Variants in NUP214 observed in about 807,000 individuals in gnomAD.
The protein encoded by NUP214 is nuclear pore complex protein Nup214.
Under a neutral mutation model 196.2 loss-of-function variants are expected in NUP214, and 79 were observed. The ratio of observed to expected loss-of-function variants is 0.40; its 90% confidence interval spans 0.34 to 0.49. The LOEUF is 0.49. Ranked by LOEUF, NUP214 falls within the 20% of genes least tolerant of loss-of-function variation. The probability of loss-of-function intolerance (pLI) is 0.58; values close to 1 mark genes in which losing one functional copy is unlikely to be tolerated. For missense variants in NUP214, 2,468 were observed against 2,539.0 expected (o/e 0.97, Z 0.60); for synonymous variants, 1,020 against 990.5 (o/e 1.03, Z -0.56).
At chr9:131,222,677 C>T in intron 31 of NUP214, 101 bp from the exon 32 acceptor site, 1 of 1,405,778 alleles carries the variant, frequency 7.1e-7, no homozygotes, top group East Asian at 2.4e-5. Context: ...GCTTGTCACT[C>T]CCATCTTTCC....
At position 131,128,448 on chromosome 9, in the gene NUP214, A is replaced by G. The variant is rs369748863; in HGVS notation, c.358A>G (p.Ile120Val). 6.2e-7 allele frequency: 1 copy of G among 1,613,124 alleles called. No individual in the cohort carries two copies. The highest frequency in any genetic ancestry group is 8.5e-7 in the Non-Finnish European group (1 of 1,179,382). Residue 120 changes from isoleucine to valine, a missense_variant, in exon 3 of 36, where the codon ATT becomes GTT. By Grantham distance (29) the Ile-to-Val change is conservative. Coordinates refer to ENST00000359428, the MANE Select transcript of NUP214 (RefSeq NM_005085.4). Reference protein sequence around the residue: ...CMMSSEYGSIIAFFDVRTFSN... With the variant: ...CMMSSEYGSIVAFFDVRTFSN... ...GATGTCCAGTGAATATGGTTCCATTATTGCTTTTTTTGATGTTCGCACATT... is the reference window on the plus strand; with the variant it reads ...GATGTCCAGTGAATATGGTTCCATTGTTGCTTTTTTTGATGTTCGCACATT...
At chr9:131,225,249 C>CA (rs1264637280) in intron 32 of NUP214, among the ~76,000 whole-genome samples, 7 of 150,116 alleles carry the variant, frequency 4.7e-5, no homozygotes, top group South Asian at 2.1e-4. Context: ...CCCGTCTCTA[C>CA]AAAAAAAAAT....
At position 131,193,629 on chromosome 9, in the gene NUP214, CTTTTTTTTTTTTTTTTTT is replaced by C. The variant is rs71389402; in HGVS notation, c.3659+1353_3659+1370del. 1.4e-3 allele frequency among the ~76,000 whole-genome samples: 40 copies of C among 28,232 alleles called. No individual in the cohort carries two copies. The East Asian group carries it at 0.014, about 10-fold the overall frequency. 18.5% of individuals were successfully genotyped at this position (28,232 alleles called of 152,430 possible). On this transcript the variant is annotated intron_variant, in intron 27 of 35. Transcript: ENST00000359428. ...GTGAAATGATATTCTTCTTCCTTTT[CTTTTTTTTTTTTTTTTTT>C]TTTTTTTTTTTTTTTGGATTTTCAG...
chr9:131,167,831 A>T (rs1372302911), intron 21 of NUP214, among the ~76,000 whole-genome samples: 1 of 152,146 alleles, frequency 6.6e-6, no homozygotes, highest in Non-Finnish European at 1.5e-5. Flanking sequence ...TGAGTTGCAG[A>T]TACTCACTTT....
intron 12 of NUP214, among the ~76,000 whole-genome samples, chr9:131,145,539 A>C (rs181889622): frequency 6.6e-6 from 1 of 152,202 alleles, no homozygotes; most frequent in Non-Finnish European, 1.5e-5. Context: ...ACTTCATGCT[A>C]AGGGTTGCAT....
rs1330417467 is a variant in NUP214 at position 131,125,752 on chromosome 9, C to G, written c.45+3C>G. The G allele has an allele frequency of 6.4e-7, 1 of 1,551,684 alleles. No homozygotes were observed. Among genetic ancestry groups the G allele is most frequent in the Admixed American group, 2.0e-5 (1 of 50,964 alleles). ...TGATTCCCGAGCGGGAGATGAAGGT[C>G]AGAGACTAACCGGGGCCTCCCTCCC... On this transcript the variant is annotated splice_donor_region_variant and intron_variant, in intron 1 of 35. Transcript: ENST00000359428. This position sits in a 1 kb window ranked among gnomAD's most constrained non-coding sequence, Gnocchi z 4.1.
At chr9:131,202,333 AATC>A (rs1833961770) in intron 30 of NUP214, among the ~76,000 whole-genome samples, 1 of 152,030 alleles carries the variant, frequency 6.6e-6, no homozygotes, top group Admixed American at 6.6e-5. Context: ...TTAACTTCTT[AATC>A]TAAGAATGGT....
At chr9:131,215,149 G>A in intron 30 of NUP214, 63 bp from the exon 31 acceptor site, 1 of 1,398,716 alleles carries the variant, frequency 7.1e-7, no homozygotes, top group Non-Finnish European at 9.4e-7. Context: ...GCCCACGGAT[G>A]CAGCCTGCCA....
intron 32 of NUP214, among the ~76,000 whole-genome samples, chr9:131,225,771 AGG>A (rs1171159041): frequency 6.6e-6 from 1 of 152,252 alleles, no homozygotes; most frequent in African/African-American, 2.4e-5. Flanking sequence ...TCCAGGCATC[AGG>A]GCACTTTTTG....
At chr9:131,129,029 T>A (rs1215951305) in intron 3 of NUP214, among the ~76,000 whole-genome samples, 1 of 152,252 alleles carries the variant, frequency 6.6e-6, no homozygotes, top group Non-Finnish European at 1.5e-5. Flanking sequence ...ATTGGTTATT[T>A]TGCAATTGTG....
chr9:131,174,992 G>C (rs1451448661), intron 22 of NUP214, among the ~76,000 whole-genome samples: 1 of 152,108 alleles, frequency 6.6e-6, no homozygotes, highest in African/African-American at 2.4e-5. Context: ...TTTAAATCCT[G>C]GCTCATTTCA....
Position 131,150,656 on chromosome 9 carries a change from G to C in NUP214, c.2168G>C (p.Arg723Pro), listed in dbSNP as rs377273510. ...FQKELEELKA[R>P]TSKACFQVGT... ...AAGGAGTTGGAAGAGTTAAAAGCCCGAACTTCCAAAGCCTGTTTCCAAGTG... is the reference window on the plus strand; with the variant it reads ...AAGGAGTTGGAAGAGTTAAAAGCCCCAACTTCCAAAGCCTGTTTCCAAGTG... Residue 723 changes from arginine (R) to proline (P), a missense_variant, in exon 16 of 36, where the codon CGA becomes CCA. By Grantham distance (103) the Arg-to-Pro change is moderately radical. Around this residue, in one of 5 missense-constraint regions of NUP214, gnomAD observed 1,801 missense variants for 1,779.4 expected, o/e 1.01. Transcript: ENST00000359428. 5 of 1,613,788 alleles carry C rather than the reference G, an allele frequency of 3.1e-6. No homozygotes were observed. In the African/African-American group the frequency reaches 5.3e-5, roughly 17 times the overall value.
At position 131,127,567 on chromosome 9, in the gene NUP214, C is replaced by G; in HGVS notation, c.89C>G (p.Ser30Cys). The G allele has an allele frequency of 1.2e-6, 2 of 1,614,020 alleles. No homozygotes were observed. Among genetic ancestry groups the G allele is most frequent in the Non-Finnish European group, 1.7e-6 (2 of 1,179,954 alleles). ...CTAAAGAAGGTGAGAATCTTTGACTCCCCTGAGGAATTGCCCAAGGAACGC... is the reference window on the plus strand; with the variant it reads ...CTAAAGAAGGTGAGAATCTTTGACTGCCCTGAGGAATTGCCCAAGGAACGC... ...RALKKVRIFD[S>C]PEELPKERSS... Residue 30 changes from serine to cysteine, a missense_variant, in exon 2 of 36, where the codon TCC becomes TGC. Physicochemically the swap from Ser to Cys is moderately radical, Grantham distance 112. This residue lies in a region of NUP214 where 392 missense variants were observed against 417.9 expected (regional missense o/e 0.94). Transcript: ENST00000359428.
At chr9:131,132,967 T>C in intron 6 of NUP214, 139 bp from the exon 7 acceptor site, 1 of 707,210 alleles carries the variant, frequency 1.4e-6, no homozygotes, top group Non-Finnish European at 2.4e-6. Context: ...TCATTGTACC[T>C]GTGCATTATA....
chr9:131,174,070 C>T lies in NUP214; in HGVS notation c.2909C>T (p.Ser970Leu). 6.2e-7 allele frequency: 1 copy of T among 1,612,616 alleles called. No homozygotes were observed. Among genetic ancestry groups the T allele is most frequent in the Non-Finnish European group, 8.5e-7 (1 of 1,179,528 alleles). Reference sequence around the variant, plus strand: ...GCTTTTGTAGCCAGCCTGTCTCGATCAGCCTTTCTGTCTCAGAGATATTAT... The same window carrying T: ...GCTTTTGTAGCCAGCCTGTCTCGATTAGCCTTTCTGTCTCAGAGATATTAT... ...RSTAPASLSR[S>L]AFLSQRYYED... Residue 970 changes from serine (S) to leucine (L), a missense_variant, in exon 22 of 36, where the codon TCA becomes TTA. Coordinates refer to ENST00000359428, the MANE Select transcript of NUP214 (RefSeq NM_005085.4).
intron 11 of NUP214, among the ~76,000 whole-genome samples, chr9:131,142,753 T>G (rs985955288): frequency 1.3e-5 from 2 of 152,262 alleles, no homozygotes; most frequent in Non-Finnish European, 2.9e-5. Flanking sequence ...ATTATTATAC[T>G]TTCATCAATG....
rs968583280 is a variant in NUP214, at chr9:131,146,871, A to G, written c.1945+567A>G. Among the ~76,000 whole-genome samples the G allele has an allele frequency of 7.3e-5, 11 of 151,642 alleles. No homozygotes were observed. Among genetic ancestry groups the G allele is most frequent in the African/African-American group, 2.7e-4 (11 of 41,236 alleles). On this transcript the variant is annotated intron_variant, in intron 13 of 35. Transcript: ENST00000359428. This position sits in a 1 kb window ranked among gnomAD's most constrained non-coding sequence, Gnocchi z 4.6. ...CTTGAACCTAGGAGGCAGAGATTGC[A>G]GGGAGTCGAGATCACGCCACTGCTC...
intron 22 of NUP214, among the ~76,000 whole-genome samples, chr9:131,174,840 T>C (rs1833070773): frequency 6.6e-6 from 1 of 152,160 alleles, no homozygotes; most frequent in Admixed American, 6.6e-5. Flanking sequence ...GCTAGGCCAT[T>C]GTGAGGAAGG....
Position 131,197,583 on chromosome 9 carries a change from C to G in NUP214, c.4089C>G (p.Thr1363=), listed in dbSNP as rs1261244604. The change falls in exon 29 of 36, where the codon ACC becomes ACG. Residue 1363 remains threonine, a synonymous_variant. Transcript: ENST00000359428. ...CAAGCCTAACTAGTACCCAGCCAAC[C>G]AAGACGTCAGGCGTGCCCTCAGGGT... ...SSTSLTSTQP[T]KTSGVPSGFN... 6.2e-7 allele frequency: 1 copy of G among 1,614,176 alleles called. No homozygotes were observed. The highest frequency in any genetic ancestry group is 8.5e-7 in the Non-Finnish European group (1 of 1,180,042).
Sources: gnomAD v4.1 joint callset for allele counts (sites outside exome capture counted in the v4.1 genomes callset) on GRCh38, gnomAD v4.1.1 for gene constraint, gnomAD v4.1.1 regional missense constraint, Gnocchi (gnomAD v3.1) non-coding constraint, MANE v1.5 for transcripts, NCBI Gene and HGNC (gene_info 2026-07-23, HGNC 2026-07-21) for gene names.